Variants in SLX4IP observed in about 807,000 individuals in gnomAD.
The protein encoded by SLX4IP is SLX4 interacting protein, also known as protein SLX4IP.
SLX4IP carries 34 observed loss-of-function variants against 32.9 expected under a neutral mutation model. That is an observed-to-expected ratio of 1.03 (90% CI 0.79 to 1.38). The LOEUF is 1.38. Ranked by LOEUF, SLX4IP falls within the 40% of genes most tolerant of loss-of-function variation. The probability of loss-of-function intolerance (pLI) is 0.00; values close to 1 mark genes in which losing one functional copy is unlikely to be tolerated. For missense variants in SLX4IP, 444 were observed against 479.0 expected (o/e 0.93, Z 0.68); for synonymous variants, 172 against 171.7 (o/e 1.00, Z -0.01).
chr20:10,538,401 A>G (rs2066068448), intron 2 of SLX4IP, among the ~76,000 whole-genome samples: 1 of 152,208 alleles, frequency 6.6e-6, no homozygotes, highest in Non-Finnish European at 1.5e-5. Context: ...GAGTCTACCC[A>G]TTAGATGCCA....
chr20:10,501,140 G>T (rs962723911), intron 2 of SLX4IP, among the ~76,000 whole-genome samples: 2 of 152,146 alleles, frequency 1.3e-5, no homozygotes, highest in African/African-American at 4.8e-5. Context: ...TTAGCCATAT[G>T]TACTTACAAT....
chr20:10,569,836 G>A (rs141296252), intron 4 of SLX4IP, among the ~76,000 whole-genome samples: 2 of 152,136 alleles, frequency 1.3e-5, no homozygotes, highest in Admixed American at 6.5e-5. Context: ...TTCTTATGAG[G>A]ATGCCAGTTA....
chr20:10,621,649 G>A (rs2122572984), intron 7 of SLX4IP, among the ~76,000 whole-genome samples: 1 of 152,206 alleles, frequency 6.6e-6, no homozygotes, highest in Admixed American at 6.5e-5. Flanking sequence ...AAGATGAAAA[G>A]CACCTGTTGG....
chr20:10,589,269 G>T (rs181124973), intron 4 of SLX4IP, among the ~76,000 whole-genome samples: 2 of 152,140 alleles, frequency 1.3e-5, no homozygotes. Flanking sequence ...CATGTCAAAT[G>T]TATGGGAAGT....
intron 6 of SLX4IP, among the ~76,000 whole-genome samples, chr20:10,611,129 T>G (rs545106230): frequency 2.0e-5 from 3 of 152,228 alleles, no homozygotes; most frequent in Non-Finnish European, 4.4e-5. Flanking sequence ...ATGTTCCAGT[T>G]TCATACTTTA....
chr20:10,558,341 C>CA (rs36028561), intron 3 of SLX4IP, among the ~76,000 whole-genome samples: 800 of 79,314 alleles, frequency 0.01, 3 homozygotes, highest in South Asian at 0.015. Context: ...GACCCTGTCT[C>CA]AAAAAAAAAA....
intron 4 of SLX4IP, among the ~76,000 whole-genome samples, chr20:10,590,463 C>T (rs1443767495): frequency 6.6e-6 from 1 of 152,040 alleles, no homozygotes; most frequent in Non-Finnish European, 1.5e-5. Flanking sequence ...CGGGTTCTAG[C>T]AATTCTCCTG....
chr20:10,514,440 T>G (rs2065833846), intron 2 of SLX4IP, among the ~76,000 whole-genome samples: 1 of 152,210 alleles, frequency 6.6e-6, no homozygotes, highest in African/African-American at 2.4e-5. Flanking sequence ...TTAACTGACA[T>G]TAGGGCACCA....
chr20:10,591,512 C>G (rs1365301335), intron 4 of SLX4IP, among the ~76,000 whole-genome samples: 1 of 152,186 alleles, frequency 6.6e-6, no homozygotes, highest in Non-Finnish European at 1.5e-5. Context: ...GAGGGGCCTG[C>G]TTGAACAGCT....
intron 2 of SLX4IP, among the ~76,000 whole-genome samples, chr20:10,468,220 G>A (rs1230873324): frequency 1.3e-5 from 2 of 152,062 alleles, no homozygotes; most frequent in African/African-American, 4.8e-5. Flanking sequence ...ACGCATTCCT[G>A]CTCTGCAGAG....
intron 2 of SLX4IP, among the ~76,000 whole-genome samples, chr20:10,528,953 C>T (rs565215025): frequency 1.7e-4 from 26 of 152,300 alleles, no homozygotes; most frequent in African/African-American, 6.0e-4. Context: ...CCTTTATGCA[C>T]GTGACTTAAA....
rs200859025 is a variant in SLX4IP at position 10,608,512 on chromosome 20, G to GA, written c.405+6704dup. Among the ~76,000 whole-genome samples the GA allele has an allele frequency of 5.3e-3, 763 of 144,136 alleles. 8 individuals are homozygous for GA. Among genetic ancestry groups the GA allele is most frequent in the African/African-American group, 0.017 (689 of 39,490 alleles). The allele number at this position is 144,136 out of a possible 152,430, so 94.6% of individuals were successfully genotyped here. The stretch of plus-strand genomic sequence containing the variant: ...AACACCATCTCTACTAAAAATACAG[G>GA]AAAAAAAAAAAGGTAGCCGGATGTG... On this transcript the variant is annotated intron_variant, in intron 6 of 7. Transcript: ENST00000334534.
intron 2 of SLX4IP, among the ~76,000 whole-genome samples, chr20:10,467,410 G>A (rs1464369803): frequency 1.3e-5 from 2 of 152,234 alleles, no homozygotes; most frequent in East Asian, 3.9e-4. Flanking sequence ...CCTTTGTCCC[G>A]AAGAATGATT....
At chr20:10,547,421 C>T (rs1473436801) in intron 2 of SLX4IP, among the ~76,000 whole-genome samples, 2 of 152,158 alleles carry the variant, frequency 1.3e-5, no homozygotes, top group Non-Finnish European at 2.9e-5. Flanking sequence ...ACAGGAGCTC[C>T]CTCCCCTCCT....
chr20:10,516,574 T>A (rs140164212), intron 2 of SLX4IP, among the ~76,000 whole-genome samples: 1 of 152,244 alleles, frequency 6.6e-6, no homozygotes, highest in African/African-American at 2.4e-5. Context: ...TGTTCTGAGA[T>A]GTTTTGTAAC....
chr20:10,601,098 G>A (rs1014189941), intron 5 of SLX4IP, among the ~76,000 whole-genome samples: 8 of 152,148 alleles, frequency 5.3e-5, no homozygotes, highest in African/African-American at 1.9e-4. Context: ...GAAGTCAATG[G>A]TTTTGTTTTA....
intron 2 of SLX4IP, among the ~76,000 whole-genome samples, chr20:10,518,472 CTT>C (rs879271643): frequency 0.23 from 15,604 of 67,496 alleles, 2,442 homozygotes; most frequent in South Asian, 0.43. Flanking sequence ...CCTTTCCTTT[CTT>C]TTCCTTTCCT....
intron 4 of SLX4IP, among the ~76,000 whole-genome samples, chr20:10,576,829 A>G (rs1258677827): frequency 6.6e-6 from 1 of 152,190 alleles, no homozygotes; most frequent in African/African-American, 2.4e-5. Context: ...GACACCAAAA[A>G]TATGATTTCC....
chr20:10,581,432 AAG>A (rs1216167354), intron 4 of SLX4IP, among the ~76,000 whole-genome samples: 4 of 152,188 alleles, frequency 2.6e-5, no homozygotes, highest in South Asian at 2.1e-4. Context: ...CCAGGAAGAA[AAG>A]AGAGAGACAG....
Sources: gnomAD v4.1 joint callset for allele counts (sites outside exome capture counted in the v4.1 genomes callset) on GRCh38, gnomAD v4.1.1 for gene constraint, MANE v1.5 for transcripts, NCBI Gene and HGNC (gene_info 2026-07-23, HGNC 2026-07-21) for gene names.